The following TENM3 variants were observed in gnomAD, a reference collection of about 807,000 sequenced individuals.
The protein encoded by TENM3 is teneurin-3.
A neutral mutation model predicts 255.1 loss-of-function variants in TENM3; 63 were observed. The ratio of observed to expected loss-of-function variants is 0.25; its 90% CI spans 0.20 to 0.30. The LOEUF (loss-of-function observed/expected upper bound fraction) is 0.30. Among genes scored for constraint, TENM3 ranks in the 10% least tolerant of loss-of-function variants. TENM3 has a pLI of 1.00. For missense variants in TENM3, 2,929 were observed against 3,461.1 expected, an observed-to-expected ratio of 0.85 and a Z score of 3.86; for synonymous variants, 1,306 against 1,322.3, an observed-to-expected ratio of 0.99 and a Z score of 0.27.
chr4:181,676,307 A>G, the TENM3 span, among the ~76,000 whole-genome samples: 35 of 152,278 alleles, frequency 2.3e-4, no homozygotes, highest in South Asian at 1.5e-3. Flanking sequence ...GGGAGGACAT[A>G]CTAACAGTTG....
At chr4:181,563,482 T>C in the TENM3 span, among the ~76,000 whole-genome samples, 1 of 152,220 alleles carries the variant, frequency 6.6e-6, no homozygotes, top group African/African-American at 2.4e-5. Context: ...GTTCATATTC[T>C]GAGATATTGC....
At chr4:181,605,023 C>G in the TENM3 span, among the ~76,000 whole-genome samples, 2 of 152,166 alleles carry the variant, frequency 1.3e-5, no homozygotes, top group East Asian at 3.9e-4. Context: ...GTAATATAGT[C>G]ATGTAATCTT....
At chr4:181,795,153 C>A in the TENM3 span, among the ~76,000 whole-genome samples, 2 of 152,102 alleles carry the variant, frequency 1.3e-5, no homozygotes, top group Non-Finnish European at 2.9e-5. Flanking sequence ...CGATGGATGT[C>A]TTTTGTCTTG....
At chr4:182,524,827 A>G (rs2151804878) in intron 3 of TENM3, among the ~76,000 whole-genome samples, 2 of 136,066 alleles carry the variant, frequency 1.5e-5, no homozygotes, top group East Asian at 4.3e-4. Flanking sequence ...GACATAGTAA[A>G]ACTCTGTCTC....
At chr4:181,654,754 C>CAAAAAAAA in the TENM3 span, among the ~76,000 whole-genome samples, 1 of 93,024 alleles carries the variant, frequency 1.1e-5, no homozygotes, top group Non-Finnish European at 2.0e-5. Flanking sequence ...AACTCCATCT[C>CAAAAAAAA]AAAAAAAAAA....
chr4:181,455,747 A>T, the TENM3 span, among the ~76,000 whole-genome samples: 26 of 152,120 alleles, frequency 1.7e-4, no homozygotes, highest in African/African-American at 5.8e-4. Context: ...AATGGCATTT[A>T]AAAAAATCTC....
chr4:182,440,472 C>A (rs886557682), intron 3 of TENM3, among the ~76,000 whole-genome samples: 29 of 152,216 alleles, frequency 1.9e-4, no homozygotes, highest in African/African-American at 6.7e-4. Flanking sequence ...CATTTCGTTT[C>A]TCTACGCCAT....
chr4:181,772,985 A>G, the TENM3 span, among the ~76,000 whole-genome samples: 1 of 152,198 alleles, frequency 6.6e-6, no homozygotes, highest in East Asian at 1.9e-4. Flanking sequence ...ATTTAGAGAC[A>G]TAGGGCACCC....
chr4:182,444,425 AATAT>A (rs964715390), intron 3 of TENM3, among the ~76,000 whole-genome samples: 1 of 152,150 alleles, frequency 6.6e-6, no homozygotes, highest in Non-Finnish European at 1.5e-5. Context: ...TGCTTTTAAA[AATAT>A]ATATATATTT....
At chr4:181,883,057 T>G in the TENM3 span, among the ~76,000 whole-genome samples, 1 of 151,862 alleles carries the variant, frequency 6.6e-6, no homozygotes, top group African/African-American at 2.4e-5. Context: ...AGTAATGGCA[T>G]GTTTTGTGTT....
chr4:181,776,114 A>C, the TENM3 span, among the ~76,000 whole-genome samples: 1 of 152,002 alleles, frequency 6.6e-6, no homozygotes, highest in East Asian at 1.9e-4. Flanking sequence ...CTATCATTCA[A>C]CTTTCTGCTT....
the TENM3 span, among the ~76,000 whole-genome samples, chr4:182,108,198 C>T: frequency 5.3e-5 from 8 of 152,276 alleles, no homozygotes; most frequent in South Asian, 1.7e-3. Flanking sequence ...ACCTACATCT[C>T]GCTCTTACCC....
At chr4:181,903,758 T>C in the TENM3 span, among the ~76,000 whole-genome samples, 14 of 152,256 alleles carry the variant, frequency 9.2e-5, no homozygotes, top group East Asian at 2.3e-3. Flanking sequence ...CCTGGGGCCC[T>C]GAGGAGGGCC....
chr4:181,582,632 G>C, the TENM3 span, among the ~76,000 whole-genome samples: 2 of 141,962 alleles, frequency 1.4e-5, no homozygotes, highest in South Asian at 2.2e-4. Flanking sequence ...GGGCAACAGA[G>C]TGAGACTCCC....
the TENM3 span, among the ~76,000 whole-genome samples, chr4:181,952,807 G>A: frequency 6.6e-5 from 10 of 152,226 alleles, no homozygotes; most frequent in African/African-American, 2.4e-4. Flanking sequence ...TGAGCCGCAG[G>A]CGCTGGGGGG....
chr4:181,706,990 T>A, the TENM3 span, among the ~76,000 whole-genome samples: 2 of 152,218 alleles, frequency 1.3e-5, no homozygotes. Context: ...ATGTTGAATG[T>A]GTCTCACTTC....
At chr4:181,962,595 G>A in the TENM3 span, among the ~76,000 whole-genome samples, 5 of 152,154 alleles carry the variant, frequency 3.3e-5, no homozygotes, top group African/African-American at 4.8e-5. Context: ...TTAAGAGCTC[G>A]TCGTATTATC....
chr4:182,599,483 C>T (rs184637231), intron 3 of TENM3, among the ~76,000 whole-genome samples: 11 of 152,196 alleles, frequency 7.2e-5, no homozygotes, highest in African/African-American at 2.2e-4. Flanking sequence ...CTCTATCCCT[C>T]ATTACAAGAG....
intron 20 of TENM3, among the ~76,000 whole-genome samples, chr4:182,752,385 T>C (rs1328097133): frequency 6.6e-6 from 1 of 152,184 alleles, no homozygotes; most frequent in African/African-American, 2.4e-5. Flanking sequence ...TGGAATTTCT[T>C]TGTCATGAAT....
Sources: gnomAD v4.1 joint callset for allele counts (sites outside exome capture counted in the v4.1 genomes callset) on GRCh38, gnomAD v4.1.1 for gene constraint, MANE v1.5 for transcripts, NCBI Gene and HGNC (gene_info 2026-07-23, HGNC 2026-07-21) for gene names.